BTRC: variants seen among roughly 807,000 people sequenced by gnomAD.
The protein encoded by BTRC is beta-transducin repeat containing E3 ubiquitin protein ligase.
In BTRC, 42 loss-of-function variants were observed where a neutral mutation model predicts 85.5. That is an observed-to-expected ratio of 0.49 (90% CI 0.38 to 0.64). The LOEUF is 0.64. Ranked by LOEUF, BTRC falls within the 30% of genes least tolerant of loss-of-function variation. BTRC has a pLI of 0.00. For missense variants in BTRC, 594 were observed against 743.5 expected (o/e 0.80, Z 2.34); for synonymous variants, 255 against 263.3 (o/e 0.97, Z 0.30).
chr10:101,423,470 T>TA lies in BTRC; in HGVS notation c.49-6874dup, dbSNP rs530500822. On this transcript the variant is annotated intron_variant, in intron 1 of 14. Coordinates refer to ENST00000370187, the MANE Select transcript of BTRC (RefSeq NM_033637.4). ...ATATTTGAAAATTTACCTAAACTTA[T>TA]AGTAGCTGTTGTCTAATGCAATTTA... Among the ~76,000 whole-genome samples, 124 of 152,190 alleles carry TA rather than the reference T, an allele frequency of 8.1e-4. 2 individuals are homozygous for TA. In the South Asian group the frequency reaches 0.015, roughly 18 times the overall value.
At chr10:101,375,658 C>G (rs1013632741) in intron 1 of BTRC, among the ~76,000 whole-genome samples, 1 of 152,254 alleles carries the variant, frequency 6.6e-6, no homozygotes, top group Middle Eastern at 3.4e-3. Context: ...ACTGGGAAAC[C>G]TAGCAAGGAA....
intron 4 of BTRC, among the ~76,000 whole-genome samples, chr10:101,507,245 C>G (rs1589567157): frequency 6.6e-6 from 1 of 152,262 alleles, no homozygotes; most frequent in East Asian, 1.9e-4. Flanking sequence ...TAACACGCAA[C>G]CAGTAATAAG....
At chr10:101,399,723 T>C (rs1375239827) in intron 1 of BTRC, among the ~76,000 whole-genome samples, 1 of 152,236 alleles carries the variant, frequency 6.6e-6, no homozygotes, top group Non-Finnish European at 1.5e-5. Flanking sequence ...GATTTTTAGA[T>C]TGGTGTCTAA....
intron 3 of BTRC, among the ~76,000 whole-genome samples, chr10:101,462,286 AG>A (rs1470165190): frequency 6.6e-6 from 1 of 152,210 alleles, no homozygotes; most frequent in Non-Finnish European, 1.5e-5. Flanking sequence ...TTTTTAAAAA[AG>A]TATAAAAACA....
chr10:101,483,148 A>C (rs1366531762), intron 4 of BTRC, among the ~76,000 whole-genome samples: 2 of 152,186 alleles, frequency 1.3e-5, no homozygotes. Context: ...TTTGCCAGAA[A>C]TATCATAGTC....
chr10:101,496,615 C>T (rs1198367559), intron 4 of BTRC, among the ~76,000 whole-genome samples: 1 of 152,060 alleles, frequency 6.6e-6, no homozygotes. Flanking sequence ...TACCATCTTA[C>T]TATTTTTAAG....
intron 1 of BTRC, among the ~76,000 whole-genome samples, chr10:101,389,405 A>C (rs183379438): frequency 2.6e-5 from 4 of 151,900 alleles, no homozygotes; most frequent in African/African-American, 9.7e-5. Context: ...CTTTAAATCT[A>C]GTCTGTCTCC....
chr10:101,437,788 G>GGT (rs1944570037), intron 2 of BTRC, among the ~76,000 whole-genome samples: 1 of 152,118 alleles, frequency 6.6e-6, no homozygotes, highest in Non-Finnish European at 1.5e-5. Flanking sequence ...GTTCCCCAAA[G>GGT]GTGCAGTGTG....
chr10:101,375,724 C>T (rs1422508519), intron 1 of BTRC, among the ~76,000 whole-genome samples: 1 of 152,220 alleles, frequency 6.6e-6, no homozygotes, highest in Non-Finnish European at 1.5e-5. Context: ...AATAGTTCTA[C>T]ACTTTACCCT....
chr10:101,378,722 ACCATGTTGG>A (rs1942854846), intron 1 of BTRC, among the ~76,000 whole-genome samples: 2 of 151,912 alleles, frequency 1.3e-5, no homozygotes, highest in Non-Finnish European at 2.9e-5. Context: ...ATGGGGTTTC[ACCATGTTGG>A]CCAGGCTGGT....
intron 1 of BTRC, among the ~76,000 whole-genome samples, chr10:101,398,305 T>G (rs1320734795): frequency 6.6e-6 from 1 of 152,156 alleles, no homozygotes; most frequent in Non-Finnish European, 1.5e-5. Flanking sequence ...CTTTTTTTCT[T>G]TTTTTCTTTT....
intron 2 of BTRC, among the ~76,000 whole-genome samples, chr10:101,457,335 T>C (rs1457630422): frequency 6.6e-6 from 1 of 152,168 alleles, no homozygotes; most frequent in Non-Finnish European, 1.5e-5. Flanking sequence ...TATTGAGCCA[T>C]GAAGATGTTG....
At chr10:101,448,546 A>T (rs1944883507) in intron 2 of BTRC, among the ~76,000 whole-genome samples, 1 of 152,106 alleles carries the variant, frequency 6.6e-6, no homozygotes, top group South Asian at 2.1e-4. Context: ...TCAAATTTTA[A>T]ATCCTTAAGC....
At chr10:101,513,565 A>T (rs573254065) in intron 4 of BTRC, among the ~76,000 whole-genome samples, 1 of 152,280 alleles carries the variant, frequency 6.6e-6, no homozygotes, top group Non-Finnish European at 1.5e-5. Context: ...TCTTTGATTC[A>T]GCATGTTTTT....
At chr10:101,420,876 G>T (rs1323431597) in intron 1 of BTRC, among the ~76,000 whole-genome samples, 1 of 151,496 alleles carries the variant, frequency 6.6e-6, no homozygotes, top group Non-Finnish European at 1.5e-5. Flanking sequence ...AAACTCACTG[G>T]TATTTTTACA....
intron 1 of BTRC, among the ~76,000 whole-genome samples, chr10:101,374,247 T>G (rs1041470020): frequency 6.6e-6 from 1 of 152,130 alleles, no homozygotes; most frequent in African/African-American, 2.4e-5. Flanking sequence ...TTTTTAATGA[T>G]TGCCATTCTG....
chr10:101,396,026 T>TA (rs1943353336), intron 1 of BTRC, among the ~76,000 whole-genome samples: 1 of 152,216 alleles, frequency 6.6e-6, no homozygotes, highest in Non-Finnish European at 1.5e-5. Context: ...GAGAGGTTTT[T>TA]AATATATCTT....
At position 101,521,684 on chromosome 10, in the gene BTRC, C is replaced by T. The variant is rs776986651; in HGVS notation, c.370C>T (p.Arg124Trp). 5 of 1,614,118 alleles carry T rather than the reference C, an allele frequency of 3.1e-6. No homozygotes were observed. The highest frequency in any genetic ancestry group is 1.3e-5 in the African/African-American group (1 of 75,030). The change falls in exon 5 of 15, where the codon CGG (arginine) becomes TGG (tryptophan). Residue 124 changes from arginine (R) to tryptophan (W), a missense_variant. Physicochemically the swap from Arg to Trp is moderately radical, Grantham distance 101. Coordinates refer to ENST00000370187, the MANE Select transcript of BTRC (RefSeq NM_033637.4). ...TTCCAGTATGATTGTGCCCAAGCAA[C>T]GGAAACTCTCAGCAAGCTATGAAAA... Reference protein sequence around the residue: ...GTSSMIVPKQRKLSASYEKEK... With the variant: ...GTSSMIVPKQWKLSASYEKEK...
intron 7 of BTRC, among the ~76,000 whole-genome samples, chr10:101,531,593 C>T (rs1450178078): frequency 6.6e-6 from 1 of 151,820 alleles, no homozygotes; most frequent in Non-Finnish European, 1.5e-5. Flanking sequence ...TGGTGGCACA[C>T]ACCTGTAATT....
Sources: allele counts gnomAD v4.1 joint callset (sites outside exome capture counted in the v4.1 genomes callset), GRCh38; gene constraint gnomAD v4.1.1; transcripts MANE v1.5; gene names NCBI Gene and HGNC (gene_info 2026-07-23, HGNC 2026-07-21).